SERPINB1: variants seen among roughly 807,000 people sequenced by gnomAD.
SERPINB1 encodes the protein leukocyte elastase inhibitor.
In SERPINB1, 23 loss-of-function variants were observed where a neutral mutation model predicts 25.9. That is an observed-to-expected ratio of 0.89 (90% CI 0.64 to 1.26). SERPINB1 has a LOEUF of 1.26. Ranked by LOEUF, SERPINB1 falls within the 50% of genes most tolerant of loss-of-function variation. SERPINB1 has a pLI of 0.00. For missense variants in SERPINB1, 399 were observed against 463.6 expected, an observed-to-expected ratio of 0.86 and a Z score of 1.28; for synonymous variants, 178 against 178.7, an observed-to-expected ratio of 1.00 and a Z score of 0.03.
intron 2 of SERPINB1, 103 bp downstream of exon 2, chr6:2,840,316 T>C: frequency 2.2e-6 from 3 of 1,383,094 alleles, no homozygotes; most frequent in South Asian, 2.5e-5. Context: ...AATACAGTTC[T>C]GAAAACACAA....
At position 2,836,318 on chromosome 6, in the gene SERPINB1, T is replaced by TA. The variant is rs1766493600; in HGVS notation, c.425-69_425-68insT. 3 of 1,454,204 alleles carry TA rather than the reference T, an allele frequency of 2.1e-6. No individual in the cohort carries two copies. The South Asian group carries it at 3.9e-5, about 19-fold the overall frequency. 90.1% of individuals were successfully genotyped at this position (1,454,204 alleles called of 1,614,324 possible). On this transcript the variant is annotated intron_variant, in intron 4 of 6. Coordinates refer to ENST00000380739, the MANE Select transcript of SERPINB1 (RefSeq NM_030666.4). Reference sequence around the variant, plus strand: ...ATTCCAAATTTGAACTGACAATATATTAGCACGGAAATGCAATTCAAATAT... The same window carrying TA: ...ATTCCAAATTTGAACTGACAATATATATAGCACGGAAATGCAATTCAAATAT...
At chr6:2,835,683 T>A (rs973119460) in intron 6 of SERPINB1, among the ~76,000 whole-genome samples, 173 bp downstream of exon 6, 6 of 151,628 alleles carry the variant, frequency 4.0e-5, no homozygotes, top group African/African-American at 7.3e-5. Flanking sequence ...TAAGTAAATT[T>A]AAAAAAAAAT....
intron 4 of SERPINB1, among the ~76,000 whole-genome samples, chr6:2,836,962 TGGAAGACA>T (rs1442901621): frequency 6.6e-6 from 1 of 152,226 alleles, no homozygotes; most frequent in African/African-American, 2.4e-5. Context: ...ATTCCCATAA[TGGAAGACA>T]GGTCTTCTGG....
At position 2,835,951 on chromosome 6, in the gene SERPINB1, AC is replaced by A. The variant is rs1766478164; in HGVS notation, c.639del (p.Lys213AsnfsTer31). ...TGGTAAGGCAGTTCCAGCACACGGCACTTAAGGTCCTCGATGTAGCCATATG... is the reference window on the plus strand; with the variant it reads ...TGGTAAGGCAGTTCCAGCACACGGCATTAAGGTCCTCGATGTAGCCATATG... ...KFAYGYIEDL[K>X]CRVLELPYQG... On this transcript the variant is annotated frameshift_variant, in exon 6 of 7. Transcript: ENST00000380739. LOFTEE classifies it high-confidence loss of function. 1.2e-6 allele frequency: 2 copies of A among 1,614,060 alleles called. No individual in the cohort carries two copies. The highest frequency in any genetic ancestry group is 1.6e-4 in the Middle Eastern group (1 of 6,084).
chr6:2,840,482 A>G lies in SERPINB1; in HGVS notation c.105T>C (p.Ile35=). Residue 35 remains isoleucine (I), a synonymous_variant, in exon 2 of 7, where the codon ATT becomes ATC. Transcript: ENST00000380739. ...GAAAAACCATGGCCATAGCAGATGA[A>G]ATGCTGAAGGGAGAGATGAAGATGT... ...AGNIFISPFS[I]SSAMAMVFLG... 1.2e-6 allele frequency: 2 copies of G among 1,614,186 alleles called. No individual in the cohort carries two copies. Among genetic ancestry groups the G allele is most frequent in the Non-Finnish European group, 1.7e-6 (2 of 1,180,032 alleles).
At position 2,836,235 on chromosome 6, in the gene SERPINB1, A is replaced by G; in HGVS notation, c.440T>C (p.Leu147Pro). 4 of 1,586,514 alleles carry G rather than the reference A, an allele frequency of 2.5e-6. No homozygotes were observed. Among genetic ancestry groups the G allele is most frequent in the East Asian group, 2.2e-5 (1 of 44,722 alleles). The stretch of plus-strand genomic sequence containing the variant: ...GTTATCAACCATGCCCGAAGCCAAC[A>G]GTTCCGGAATTTTTCCTAAAAAAAA... ...KGQTEGKIPE[L>P]LASGMVDNMT... is the part of the protein sequence containing the mutation. Residue 147 changes from leucine (L) to proline (P), a missense_variant, in exon 5 of 7, where the codon CTG (leucine) becomes CCG (proline). By Grantham distance (98) the Leu-to-Pro change is moderately conservative. Transcript: ENST00000380739.
rs140672805 is a variant in SERPINB1 at position 2,837,740 on chromosome 6, C to T, written c.424+142G>A. The T allele has an allele frequency of 1.2e-4, 83 of 693,546 alleles. No homozygotes were observed. The highest frequency in any genetic ancestry group is 1.8e-4 in the Non-Finnish European group (70 of 387,020). The allele number at this position is 693,546 out of a possible 1,614,324, so 43.0% of individuals were successfully genotyped here. A position where few individuals can be genotyped will look rare whatever the true frequency, so the allele number is the denominator to read the frequency against. On this transcript the variant is annotated intron_variant, in intron 4 of 6. Transcript: ENST00000380739. This position sits in a 1 kb window ranked among gnomAD's most constrained non-coding sequence, Gnocchi z 4.3. ...AACGTGCAGTGCAGACTTCACGCAC[C>T]GGCAGCGTCCTCTGACTGTAACCAC...
chr6:2,834,295 TCATCCATCCATC>T (rs570666148), intron 6 of SERPINB1, among the ~76,000 whole-genome samples: 3,670 of 118,210 alleles, frequency 0.031, 152 homozygotes, highest in African/African-American at 0.096. Context: ...ATTTGTCCAC[TCATCCATCCATC>T]CATCCATCCA....
At chr6:2,838,974 TA>T (rs767488579) in intron 2 of SERPINB1, among the ~76,000 whole-genome samples, 2 of 152,218 alleles carry the variant, frequency 1.3e-5, no homozygotes, top group Non-Finnish European at 2.9e-5. Flanking sequence ...AATATTTATA[TA>T]TAAGTCTGCC....
Position 2,841,359 on chromosome 6 carries a change from T to A in SERPINB1, c.-9+453A>T, listed in dbSNP as rs1202256363. 6.6e-6 allele frequency: 1 copy of A among 152,180 alleles called. No individual in the cohort carries two copies. Among genetic ancestry groups the A allele is most frequent in the East Asian group, 1.9e-4 (1 of 5,182 alleles). 9.4% of individuals were successfully genotyped at this position (152,180 alleles called of 1,614,324 possible). On this transcript the variant is annotated intron_variant, in intron 1 of 6. Transcript: ENST00000380739. This position sits in a 1 kb window ranked among gnomAD's most constrained non-coding sequence, Gnocchi z 4.5. ...TCGGCATGTAAGCACAAAGCTGATT[T>A]CTCCTTGTTGTGAAATCGTCTCTAG...
chr6:2,838,130 T>G (rs572462186), intron 3 of SERPINB1, 131 bp from the exon 4 acceptor site: 1 of 642,250 alleles, frequency 1.6e-6, no homozygotes, highest in African/African-American at 1.8e-5. Flanking sequence ...AATTTCTAAC[T>G]CTTATAGTTT....
rs1161188802 is a variant in SERPINB1, at chr6:2,837,260, T to C, written c.424+622A>G. Among the ~76,000 whole-genome samples, 1 of 150,196 alleles carries C rather than the reference T, an allele frequency of 6.7e-6. No homozygotes were observed. The highest frequency in any genetic ancestry group is 1.9e-4 in the East Asian group (1 of 5,184). Reference sequence around the variant, plus strand: ...GCTGTATTCAGTGTTGGTTTTAACTTTATTTTTTATTTTTTATTATTTTTA... The same window carrying C: ...GCTGTATTCAGTGTTGGTTTTAACTCTATTTTTTATTTTTTATTATTTTTA... On this transcript the variant is annotated intron_variant, in intron 4 of 6. Coordinates refer to ENST00000380739, the MANE Select transcript of SERPINB1 (RefSeq NM_030666.4). The surrounding 1 kb of genome is among the most constrained non-coding windows in gnomAD (Gnocchi z 4.3).
intron 2 of SERPINB1, chr6:2,839,409 A>G (rs1479792456): frequency 4.1e-6 from 4 of 984,982 alleles, no homozygotes; most frequent in Admixed American, 6.2e-5. Flanking sequence ...CCTTAAAACT[A>G]TTCTTTGCTG....
chr6:2,839,399 C>T (rs1384357114), intron 2 of SERPINB1: 1 of 984,582 alleles, frequency 1.0e-6, no homozygotes, highest in Non-Finnish European at 1.2e-6. Context: ...GGGGAGGAGT[C>T]CTTAAAACTA....
intron 6 of SERPINB1, among the ~76,000 whole-genome samples, chr6:2,834,304 C>T (rs1309336694): frequency 1.4e-4 from 15 of 110,646 alleles, no homozygotes; most frequent in African/African-American, 4.4e-4. Context: ...CTCATCCATC[C>T]ATCCATCCAT....
In SERPINB1 at chr6:2,835,842, C is replaced by G. The variant is rs374610093; in HGVS notation, c.735+14G>C. On this transcript the variant is annotated intron_variant, in intron 6 of 6. Transcript: ENST00000380739. ...GCAAGAGGAACCACAAAGCATGAAG[C>G]CCAGGAGCCATACCTTCTTCAGGCC... is the stretch of plus-strand genomic sequence containing the variant. 5.6e-6 allele frequency: 9 copies of G among 1,607,164 alleles called. No individual in the cohort carries two copies. Among genetic ancestry groups the G allele is most frequent in the Non-Finnish European group, 7.7e-6 (9 of 1,176,080 alleles).
intron 4 of SERPINB1, 123 bp from the exon 5 acceptor site, chr6:2,836,373 G>T (rs1229440821): frequency 9.3e-7 from 1 of 1,075,428 alleles, no homozygotes; most frequent in Non-Finnish European, 1.3e-6. Flanking sequence ...CATTTAACAA[G>T]ATATTAACTT....
chr6:2,835,826 A>AC (rs1269943179), intron 6 of SERPINB1, 30 bp downstream of exon 6: 1 of 1,590,818 alleles, frequency 6.3e-7, no homozygotes, highest in South Asian at 1.1e-5. Flanking sequence ...TGCAAGAGGA[A>AC]CCACAAAGCA....
intron 1 of SERPINB1, among the ~76,000 whole-genome samples, 166 bp from the exon 2 acceptor site, chr6:2,840,760 C>G (rs1223278554): frequency 2.0e-5 from 3 of 152,192 alleles, no homozygotes; most frequent in Non-Finnish European, 4.4e-5. Flanking sequence ...AACACTTTCC[C>G]AGGCCCACAA....
Sources: allele counts gnomAD v4.1 joint callset (sites outside exome capture counted in the v4.1 genomes callset), GRCh38; gene constraint gnomAD v4.1.1; non-coding constraint Gnocchi (gnomAD v3.1); transcripts MANE v1.5; gene names NCBI Gene and HGNC (gene_info 2026-07-23, HGNC 2026-07-21).